Variants in NUMB observed in about 807,000 individuals in gnomAD.
NUMB encodes the protein NUMB endocytic adaptor protein.
In NUMB, 29 loss-of-function variants were observed where a neutral mutation model predicts 59.7. The observed-to-expected ratio is 0.49, with a 90% CI of 0.36 to 0.66. NUMB has a LOEUF of 0.66. NUMB is among the 30% of genes least tolerant of loss of function. The pLI is 0.00. For synonymous variants in NUMB, 288 were observed against 288.2 expected (o/e 1.00, Z 0.01); for missense variants, 723 against 822.0 (o/e 0.88, Z 1.47).
chr14:73,395,280 C>CG lies in NUMB; in HGVS notation c.-101+14656_-101+14657insC, dbSNP rs71112749. 5.9e-5 allele frequency among the ~76,000 whole-genome samples: 9 copies of CG among 151,918 alleles called. No homozygotes were observed. The South Asian group carries it at 6.2e-4, about 10-fold the overall frequency. The stretch of plus-strand genomic sequence containing the variant: ...TGTTGATGGACACTTAGGTTGATTC[C>CG]TATCTTGGCTATTGTGAATAAATGC... On this transcript the variant is annotated intron_variant, in intron 2 of 12. Coordinates refer to ENST00000555238, the MANE Select transcript of NUMB (RefSeq NM_001005743.2).
Position 73,366,967 on chromosome 14 carries a change from C to G in NUMB, c.-86G>C, listed in dbSNP as rs770775659. Reference sequence around the variant, plus strand: ...GGACAAGTTTCGTAACTTCACCAAGCCTCAGTTTCCTCATCTGTAAAATGA... The same window carrying G: ...GGACAAGTTTCGTAACTTCACCAAGGCTCAGTTTCCTCATCTGTAAAATGA... On this transcript the variant is annotated 5_prime_UTR_variant, in exon 3 of 13. Coordinates refer to ENST00000555238, the MANE Select transcript of NUMB (RefSeq NM_001005743.2). The G allele has an allele frequency of 2.0e-5, 3 of 152,094 alleles. No individual in the cohort carries two copies. Among genetic ancestry groups the G allele is most frequent in the Non-Finnish European group, 2.9e-5 (2 of 68,022 alleles). 9.4% of individuals were successfully genotyped at this position (152,094 alleles called of 1,614,324 possible).
chr14:73,389,292 AAC>A (rs1359400537), intron 2 of NUMB, among the ~76,000 whole-genome samples: 7,484 of 103,556 alleles, frequency 0.072, 1,008 homozygotes, highest in African/African-American at 0.27. Flanking sequence ...AAAAAAAAAA[AAC>A]AAAAACAAAA....
chr14:73,396,440 T>G (rs973607227), intron 2 of NUMB, among the ~76,000 whole-genome samples: 13 of 151,926 alleles, frequency 8.6e-5, no homozygotes, highest in African/African-American at 3.1e-4. Flanking sequence ...CTCATACTCC[T>G]GGGCTCAAGG....
chr14:73,411,458 C>A (rs1199287600), intron 1 of NUMB, among the ~76,000 whole-genome samples: 1 of 152,168 alleles, frequency 6.6e-6, no homozygotes, highest in East Asian at 1.9e-4. Context: ...TCAGCTCACA[C>A]ACCTTCCAGG....
chr14:73,291,351 G>A (rs979209644), intron 8 of NUMB, among the ~76,000 whole-genome samples: 2 of 151,748 alleles, frequency 1.3e-5, no homozygotes. Context: ...AAAGTGCTAG[G>A]ATTACAGGCG....
intron 1 of NUMB, among the ~76,000 whole-genome samples, chr14:73,438,829 A>T (rs1416705198): frequency 2.0e-5 from 3 of 152,140 alleles, no homozygotes; most frequent in Non-Finnish European, 4.4e-5. Context: ...AACTATGATT[A>T]TATTTCACAA....
At chr14:73,369,480 CACTCATTA>C (rs1894558346) in intron 2 of NUMB, among the ~76,000 whole-genome samples, 1 of 152,164 alleles carries the variant, frequency 6.6e-6, no homozygotes, top group Admixed American at 6.5e-5. Context: ...TTCACTCATT[CACTCATTA>C]ATACTTCATA....
chr14:73,375,033 A>G (rs942892924), intron 2 of NUMB, among the ~76,000 whole-genome samples: 10 of 152,098 alleles, frequency 6.6e-5, no homozygotes, highest in Non-Finnish European at 8.8e-5. Context: ...TCTAACCTTT[A>G]AGTTATTTGC....
In NUMB at chr14:73,352,519, TATATATA is replaced by T. The variant is rs1893434262; in HGVS notation, c.126+3100_126+3106del. Among the ~76,000 whole-genome samples the T allele has an allele frequency of 3.2e-4, 8 of 24,944 alleles. 1 individual carries two copies. The highest frequency in any genetic ancestry group is 2.0e-3 in the East Asian group (1 of 496). The allele number at this position is 24,944 out of a possible 152,430, so 16.4% of individuals were successfully genotyped here. A position where few individuals can be genotyped will look rare whatever the true frequency, so the allele number is the denominator to read the frequency against. ...ATATATATATATATATATATATATA[TATATATA>T]TATGTTTTTTTTTTTTTTTTTTTTT... On this transcript the variant is annotated intron_variant, in intron 4 of 12. Coordinates refer to ENST00000555238, the MANE Select transcript of NUMB (RefSeq NM_001005743.2).
At chr14:73,294,322 C>T (rs1395862777) in intron 7 of NUMB, among the ~76,000 whole-genome samples, 3 of 152,294 alleles carry the variant, frequency 2.0e-5, no homozygotes, top group African/African-American at 7.2e-5. Flanking sequence ...CCTCCCGCCT[C>T]AGCCTCCCGA....
At chr14:73,388,979 G>A (rs1452555250) in intron 2 of NUMB, among the ~76,000 whole-genome samples, 3 of 151,786 alleles carry the variant, frequency 2.0e-5, no homozygotes, top group Non-Finnish European at 2.9e-5. Context: ...GGCGCCTGCA[G>A]TCCCAGCTAC....
chr14:73,413,814 CAAAG>C (rs1337259965), intron 1 of NUMB, among the ~76,000 whole-genome samples: 1 of 152,046 alleles, frequency 6.6e-6, no homozygotes, highest in African/African-American at 2.4e-5. Context: ...ACAAACAAAA[CAAAG>C]AGTTCTTTTA....
intron 3 of NUMB, among the ~76,000 whole-genome samples, chr14:73,360,506 T>A (rs12886907): frequency 2.0e-5 from 3 of 151,964 alleles, no homozygotes; most frequent in African/African-American, 7.3e-5. Context: ...TGTAGTGAGC[T>A]GAGATCACAC....
chr14:73,346,676 C>G (rs1892940023), intron 4 of NUMB, among the ~76,000 whole-genome samples: 1 of 151,112 alleles, frequency 6.6e-6, no homozygotes. Context: ...CTATAAGCTT[C>G]TCTCTCCTAT....
At chr14:73,392,827 AG>A (rs1895916647) in intron 2 of NUMB, among the ~76,000 whole-genome samples, 1 of 151,510 alleles carries the variant, frequency 6.6e-6, no homozygotes. Context: ...AACCAAAGCT[AG>A]GAAAACTGAG....
intron 4 of NUMB, among the ~76,000 whole-genome samples, chr14:73,352,839 C>G (rs61985804): frequency 2.7e-5 from 4 of 149,774 alleles, no homozygotes; most frequent in Non-Finnish European, 4.5e-5. Flanking sequence ...ACCGTGCCTG[C>G]CCTGTAATAG....
chr14:73,367,791 AAG>A (rs1491449678), intron 2 of NUMB, among the ~76,000 whole-genome samples: 1 of 151,284 alleles, frequency 6.6e-6, no homozygotes, highest in Non-Finnish European at 1.5e-5. Context: ...AAAAAAAAAA[AAG>A]ATGGATTCGT....
In NUMB at chr14:73,390,638, C is replaced by CTTTTTTTTTTTTTTTTTTTTT. The variant is rs55831976; in HGVS notation, c.-101+19278_-101+19298dup. Among the ~76,000 whole-genome samples the CTTTTTTTTTTTTTTTTTTTTT allele has an allele frequency of 1.5e-4, 6 of 39,384 alleles. 2 individuals are homozygous for CTTTTTTTTTTTTTTTTTTTTT. The highest frequency in any genetic ancestry group is 2.8e-4 in the Non-Finnish European group (6 of 21,180). The allele number at this position is 39,384 out of a possible 152,430, so 25.8% of individuals were successfully genotyped here. ...ATTTCCTTGAGGACAAAAACAAAGT[C>CTTTTTTTTTTTTTTTTTTTTT]TTTTTTTTTTTTTTTTTTTTTTTTT... On this transcript the variant is annotated intron_variant, in intron 2 of 12. Coordinates refer to ENST00000555238, the MANE Select transcript of NUMB (RefSeq NM_001005743.2).
intron 1 of NUMB, among the ~76,000 whole-genome samples, chr14:73,451,021 G>A (rs116557146): frequency 1.3e-3 from 191 of 151,794 alleles, no homozygotes; most frequent in African/African-American, 4.2e-3. Flanking sequence ...GGGCATGCTA[G>A]TTGGCACCTG....
Sources: gnomAD v4.1 joint callset for allele counts (sites outside exome capture counted in the v4.1 genomes callset) on GRCh38, gnomAD v4.1.1 for gene constraint, MANE v1.5 for transcripts, NCBI Gene and HGNC (gene_info 2026-07-23, HGNC 2026-07-21) for gene names.